The following RFX3 variants were observed in gnomAD, a reference collection of about 807,000 sequenced individuals.
The protein encoded by RFX3 is regulatory factor X3.
A neutral mutation model predicts 98.6 loss-of-function variants in RFX3; 14 were observed. That is an observed-to-expected ratio of 0.14 (90% CI 0.09 to 0.22). The LOEUF is 0.22. Among genes scored for constraint, RFX3 ranks in the 10% least tolerant of loss-of-function variants. The pLI, the probability that RFX3 is intolerant of heterozygous loss-of-function variation, is 1.00. For missense variants in RFX3, 639 were observed against 926.9 expected (o/e 0.69, Z 4.03); for synonymous variants, 383 against 328.4 (o/e 1.17, Z -1.80).
intron 2 of RFX3, among the ~76,000 whole-genome samples, chr9:3,359,818 C>T (rs1429592537): frequency 1.3e-5 from 2 of 151,862 alleles, no homozygotes; most frequent in Admixed American, 1.3e-4. Flanking sequence ...TCATTAAAAA[C>T]CAAAGGTGAA....
At chr9:3,288,734 T>G (rs1415747409) in intron 6 of RFX3, among the ~76,000 whole-genome samples, 1 of 152,152 alleles carries the variant, frequency 6.6e-6, no homozygotes, top group African/African-American at 2.4e-5. Flanking sequence ...ATTTTTCTCT[T>G]TACTTCAGTG....
intron 1 of RFX3, among the ~76,000 whole-genome samples, chr9:3,417,264 T>A (rs143222054): frequency 0.012 from 1,780 of 152,186 alleles, 26 homozygotes; most frequent in South Asian, 0.044. Flanking sequence ...GGATATTTTA[T>A]ACCCCTTTTA....
chr9:3,477,713 A>G (rs1849394188), intron 1 of RFX3, among the ~76,000 whole-genome samples: 1 of 152,078 alleles, frequency 6.6e-6, no homozygotes. Flanking sequence ...AAGTTTGGAA[A>G]GTTTTCTGCC....
At chr9:3,457,139 CAAAAAAAAAAAAAAAAAA>C (rs1169959832) in intron 1 of RFX3, among the ~76,000 whole-genome samples, 3 of 22,806 alleles carry the variant, frequency 1.3e-4, no homozygotes, top group Non-Finnish European at 2.4e-4. Flanking sequence ...GACTCCATCT[CAAAAAAAAAAAAAAAAAA>C]AAAAAAAAAA....
chr9:3,339,139 C>A (rs537028340), intron 3 of RFX3, among the ~76,000 whole-genome samples: 106 of 151,580 alleles, frequency 7.0e-4, no homozygotes, highest in Middle Eastern at 3.4e-3. Context: ...AAAAAAAAAA[C>A]CCCAAAGTCT....
rs1167429503 is a variant in RFX3, at chr9:3,366,805, G to A, written c.118-20041C>T. On this transcript the variant is annotated intron_variant, in intron 2 of 16. Coordinates refer to ENST00000617270, the MANE Select transcript of RFX3 (RefSeq NM_001282116.2). Reference sequence around the variant, plus strand: ...GTCATCTGGGTGTTTCAGTTGGATTGCATTGAAATCATGCATGCATTTGGG... The same window carrying A: ...GTCATCTGGGTGTTTCAGTTGGATTACATTGAAATCATGCATGCATTTGGG... 2.0e-5 allele frequency among the ~76,000 whole-genome samples: 3 copies of A among 146,642 alleles called. No homozygotes were observed. The East Asian group carries it at 6.1e-4, about 30-fold the overall frequency.
chr9:3,486,336 C>T (rs757168961), intron 1 of RFX3, among the ~76,000 whole-genome samples: 43 of 152,034 alleles, frequency 2.8e-4, no homozygotes, highest in Non-Finnish European at 5.7e-4. Context: ...CAACAAGTTA[C>T]GGCTCTCTTT....
At chr9:3,521,870 G>A (rs965018047) in intron 1 of RFX3, among the ~76,000 whole-genome samples, 5 of 152,086 alleles carry the variant, frequency 3.3e-5, no homozygotes, top group African/African-American at 1.2e-4. Context: ...TGACTTGGGT[G>A]TGTAAAATGT....
intron 2 of RFX3, among the ~76,000 whole-genome samples, chr9:3,365,781 T>C (rs888966481): frequency 2.6e-5 from 4 of 152,034 alleles, no homozygotes; most frequent in Non-Finnish European, 5.9e-5. Flanking sequence ...TTCACAGAGA[T>C]AATGGTATAC....
intron 4 of RFX3, among the ~76,000 whole-genome samples, chr9:3,306,076 C>T (rs1378066896): frequency 6.6e-6 from 1 of 151,960 alleles, no homozygotes; most frequent in African/African-American, 2.4e-5. Context: ...TGTTTTACCA[C>T]AATACTCATG....
intron 1 of RFX3, among the ~76,000 whole-genome samples, chr9:3,441,365 G>A (rs1315010856): frequency 6.6e-6 from 1 of 151,998 alleles, no homozygotes; most frequent in Non-Finnish European, 1.5e-5. Context: ...TATGTTTCCT[G>A]GTTCTGTCTG....
chr9:3,447,007 A>G (rs1272689272), intron 1 of RFX3, among the ~76,000 whole-genome samples: 1 of 152,180 alleles, frequency 6.6e-6, no homozygotes, highest in Non-Finnish European at 1.5e-5. Context: ...GGGTGACAAC[A>G]AAGCATTACT....
rs138361779 is a variant in RFX3 at position 3,262,404 on chromosome 9, C to A, written c.1605+531G>T. Among the ~76,000 whole-genome samples, 155 of 152,132 alleles carry A rather than the reference C, an allele frequency of 1.0e-3. 3 individuals are homozygous for A. The East Asian group carries it at 0.017, about 16-fold the overall frequency. ...ATAGTTGAACTTATTGCATATAATT[C>A]TTTTCAAGTGAATAAATATTTACTA... On this transcript the variant is annotated intron_variant, in intron 13 of 16. Coordinates refer to ENST00000617270, the MANE Select transcript of RFX3 (RefSeq NM_001282116.2).
At chr9:3,317,925 G>A (rs937807224) in intron 4 of RFX3, among the ~76,000 whole-genome samples, 1 of 152,154 alleles carries the variant, frequency 6.6e-6, no homozygotes, top group African/African-American at 2.4e-5. Context: ...CTGTTGGTGG[G>A]ACTGTAAGCT....
chr9:3,330,414 C>A lies in RFX3; in HGVS notation c.319G>T (p.Val107Phe). 6.2e-7 allele frequency: 1 copy of A among 1,614,100 alleles called. No individual in the cohort carries two copies. Among genetic ancestry groups the A allele is most frequent in the Non-Finnish European group, 8.5e-7 (1 of 1,180,024 alleles). Residue 107 changes from valine (V) to phenylalanine (F), a missense_variant, in exon 4 of 17, where the codon GTC becomes TTC. By Grantham distance (50) the Val-to-Phe change is conservative (BLOSUM62 -1). Transcript: ENST00000617270. ...GTGCCCACCATACTGTGGGATGAGA[C>A]CACGGTAGTCACCTGGGCGGAACTC... ...QGSSAQVTTV[V>F]SSHSMVGTGG...
chr9:3,487,369 A>G (rs1850365300), intron 1 of RFX3, among the ~76,000 whole-genome samples: 1 of 152,154 alleles, frequency 6.6e-6, no homozygotes, highest in South Asian at 2.1e-4. Context: ...AATTTTTCAC[A>G]TTTACATTTT....
chr9:3,487,072 T>C (rs971268085), intron 1 of RFX3, among the ~76,000 whole-genome samples: 3 of 152,134 alleles, frequency 2.0e-5, no homozygotes, highest in Non-Finnish European at 4.4e-5. Flanking sequence ...CCCAGGCTGG[T>C]CTCCAATTCC....
At chr9:3,366,392 T>C (rs1837076972) in intron 2 of RFX3, among the ~76,000 whole-genome samples, 1 of 152,232 alleles carries the variant, frequency 6.6e-6, no homozygotes, top group Non-Finnish European at 1.5e-5. Context: ...TGCACATACA[T>C]ACACGCACCA....
intron 1 of RFX3, among the ~76,000 whole-genome samples, chr9:3,418,749 G>A (rs1042900273): frequency 3.3e-5 from 5 of 152,080 alleles, no homozygotes; most frequent in Non-Finnish European, 7.3e-5. Context: ...AATTAAAATA[G>A]GATATCATCA....
Sources: allele counts gnomAD v4.1 joint callset (sites outside exome capture counted in the v4.1 genomes callset), GRCh38; gene constraint gnomAD v4.1.1; transcripts MANE v1.5; gene names NCBI Gene and HGNC (gene_info 2026-07-23, HGNC 2026-07-21).